Variants in NKTR observed in about 807,000 individuals in gnomAD.
NKTR encodes natural killer cell triggering receptor, also known as NK-tumor recognition protein.
In NKTR, 67 loss-of-function variants were observed where a neutral mutation model predicts 156.3. The observed-to-expected ratio is 0.43, with a 90% CI of 0.35 to 0.53. The LOEUF (loss-of-function observed/expected upper bound fraction) is 0.53, where lower values mean the gene tolerates loss of function less well. NKTR is among the 20% of genes least tolerant of loss of function. The pLI is 0.01. For synonymous variants in NKTR, 640 were observed against 596.6 expected (o/e 1.07, Z -1.06); for missense variants, 1,604 against 1,730.9 (o/e 0.93, Z 1.30).
chr3:42,604,638 G>A (rs2125757489), intron 2 of NKTR, among the ~76,000 whole-genome samples: 1 of 114,168 alleles, frequency 8.8e-6, no homozygotes, highest in Admixed American at 9.9e-5. Context: ...AACTGTAATT[G>A]TGGATTTATC....
chr3:42,629,497 A>G, intron 6 of NKTR: 1 of 977,054 alleles, frequency 1.0e-6, no homozygotes, highest in East Asian at 1.1e-4. Flanking sequence ...GGTTTTGTTC[A>G]CTTACATGTC....
intron 5 of NKTR, chr3:42,620,234 A>G (rs760952932): frequency 8.7e-6 from 11 of 1,268,836 alleles, no homozygotes; most frequent in Admixed American, 3.9e-5. Flanking sequence ...TTAATTTCAC[A>G]TCAGAGAAAA....
At chr3:42,645,854 C>T in intron 16 of NKTR, 34 bp from the exon 17 acceptor site, 1 of 1,463,410 alleles carries the variant, frequency 6.8e-7, no homozygotes, top group Non-Finnish European at 9.5e-7. Context: ...TTTACAGTTA[C>T]AAGATTTTTA....
intron 15 of NKTR, 23 bp downstream of exon 15, chr3:42,643,418 C>T: frequency 2.5e-6 from 4 of 1,594,068 alleles, no homozygotes; most frequent in Non-Finnish European, 3.4e-6. Flanking sequence ...ATTGGGAAAC[C>T]ACCAGTGGGG....
At position 42,637,141 on chromosome 3, in the gene NKTR, T is replaced by C; in HGVS notation, c.1437T>C (p.Cys479=). 5 of 1,611,636 alleles carry C rather than the reference T, an allele frequency of 3.1e-6. No homozygotes were observed. The highest frequency in any genetic ancestry group is 4.2e-6 in the Non-Finnish European group (5 of 1,179,316). Residue 479 remains cysteine (C), a synonymous_variant, in exon 13 of 17, where the codon TGT becomes TGC. Transcript: ENST00000232978. ...CCACTCGAAGAATGAAATCCTCTTG[T>C]GATAGAGAAAGGAGTTCTCGTTCTT... ...KSSTRRMKSS[C]DRERSSRSSS... is the part of the protein sequence containing the mutation.
rs1201056273 is a variant in NKTR, at chr3:42,648,210, G to GC, written c.*2236dup. On this transcript the variant is annotated 3_prime_UTR_variant, in exon 17 of 17. Coordinates refer to ENST00000232978, the MANE Select transcript of NKTR (RefSeq NM_005385.4). ...ACAGATATATTTTAAGGTTGATTGT[G>GC]CGATAGAACATAATTGCAGGAGTAC... 6.6e-6 allele frequency: 1 copy of GC among 152,212 alleles called. No individual in the cohort carries two copies. Among genetic ancestry groups the GC allele is most frequent in the Non-Finnish European group, 1.5e-5 (1 of 68,048 alleles). 9.4% of individuals were successfully genotyped at this position (152,212 alleles called of 1,614,324 possible).
intron 5 of NKTR, chr3:42,620,069 A>C: frequency 6.5e-7 from 1 of 1,534,066 alleles, no homozygotes; most frequent in Non-Finnish European, 8.7e-7. Context: ...TCAGTAACAC[A>C]AACTCCAATT....
intron 15 of NKTR, 63 bp from the exon 16 acceptor site, chr3:42,643,839 G>T: frequency 8.5e-7 from 1 of 1,172,158 alleles, no homozygotes; most frequent in Non-Finnish European, 1.3e-6. Flanking sequence ...ATCCTAAAAA[G>T]AAATAGGAAC....
At chr3:42,642,270 GA>G (rs1411826946) in intron 13 of NKTR, among the ~76,000 whole-genome samples, 2 of 151,942 alleles carry the variant, frequency 1.3e-5, no homozygotes, top group Non-Finnish European at 2.9e-5. Flanking sequence ...AGGCTTCTAT[GA>G]ACATACTTGT....
In NKTR at chr3:42,635,312, A is replaced by G; in HGVS notation, c.1109A>G (p.Gln370Arg). ...CCTCCTCACTGGAAAGAGGAAATGC[A>G]GAGATTAAGAGCATATAGACCACCT... ...ETPPHWKEEM[Q>R]RLRAYRPPSG... Residue 370 changes from glutamine to arginine, a missense_variant, in exon 12 of 17, where the codon CAG becomes CGG. Physicochemically the swap from Gln to Arg is conservative, Grantham distance 43 (BLOSUM62 1). Transcript: ENST00000232978. 1 of 1,613,656 alleles carries G rather than the reference A, an allele frequency of 6.2e-7. No homozygotes were observed. The highest frequency in any genetic ancestry group is 8.5e-7 in the Non-Finnish European group (1 of 1,179,646).
At chr3:42,619,474 G>A in intron 4 of NKTR, 190 bp from the exon 5 acceptor site, 1 of 1,400,730 alleles carries the variant, frequency 7.1e-7, no homozygotes, top group Non-Finnish European at 9.2e-7. Context: ...CTTTTTTGAT[G>A]GTATTTCTTG....
Position 42,629,538 on chromosome 3 carries a change from T to G in NKTR, c.375-1008T>G, listed in dbSNP as rs1708702074. 1.2e-5 allele frequency: 12 copies of G among 984,298 alleles called. No homozygotes were observed. The South Asian group carries it at 4.7e-4, about 39-fold the overall frequency. 61.0% of individuals were successfully genotyped at this position (984,298 alleles called of 1,614,324 possible). ...ATTGCCTTAAAATGAATACAGAAAT[T>G]TATATGGCAGCTTCTAGTACAGTTG... On this transcript the variant is annotated intron_variant, in intron 6 of 16. Transcript: ENST00000232978.
chr3:42,637,926 C>T lies in NKTR; in HGVS notation c.2222C>T (p.Ser741Leu), dbSNP rs1444198142. 1 of 1,613,810 alleles carries T rather than the reference C, an allele frequency of 6.2e-7. No individual in the cohort carries two copies. The highest frequency in any genetic ancestry group is 1.1e-5 in the South Asian group (1 of 91,052). Residue 741 changes from serine (S) to leucine (L), a missense_variant, in exon 13 of 17, where the codon TCA (serine) becomes TTA (leucine). Physicochemically the swap from Ser to Leu is moderately radical, Grantham distance 145. Transcript: ENST00000232978. ...AGTGATCATTCACAGTGTAGTAGAT[C>T]ATCTTCATATACTTCTATTAGCAGT... is the stretch of plus-strand genomic sequence containing the variant. Reference protein sequence around the residue: ...KYSDHSQCSRSSSYTSISSDD... With the variant: ...KYSDHSQCSRLSSYTSISSDD...
chr3:42,636,182 T>C (rs1407684603), intron 12 of NKTR, among the ~76,000 whole-genome samples: 2 of 152,202 alleles, frequency 1.3e-5, no homozygotes, highest in South Asian at 4.1e-4. Context: ...CATGGTAGTA[T>C]TCTCTTTTTC....
intron 5 of NKTR, 171 bp from the exon 6 acceptor site, chr3:42,621,258 T>G (rs1707874775): frequency 1.5e-6 from 2 of 1,309,270 alleles, no homozygotes; most frequent in African/African-American, 3.1e-5. Context: ...TTTGGCCTTT[T>G]TATGCTTTTG....
rs138745016 is a variant in NKTR, at chr3:42,634,538, A to G, written c.930-75A>G. The G allele has an allele frequency of 5.1e-5, 40 of 778,990 alleles. No individual in the cohort carries two copies. The African/African-American group carries it at 7.0e-4, about 14-fold the overall frequency. 48.3% of individuals were successfully genotyped at this position (778,990 alleles called of 1,614,324 possible). ...TGTATCTTTGAATTAATAGCTTAAC[A>G]TAATGTGTTTTCATTATTAAAAATT... On this transcript the variant is annotated intron_variant, in intron 10 of 16. Transcript: ENST00000232978.
rs1705328875 is a variant in NKTR at position 42,600,881 on chromosome 3, G to C, written c.-24+103G>C. Reference sequence around the variant, plus strand: ...TCCTGCGCTGTCGCGACGGGCCGGCGTGAGGCACCGTGGCGCGGACTTCGT... The same window carrying C: ...TCCTGCGCTGTCGCGACGGGCCGGCCTGAGGCACCGTGGCGCGGACTTCGT... On this transcript the variant is annotated intron_variant, in intron 1 of 16. Transcript: ENST00000232978. The C allele has an allele frequency of 1.6e-5, 11 of 674,304 alleles. No homozygotes were observed. The East Asian group carries it at 3.5e-4, about 21-fold the overall frequency. 41.8% of individuals were successfully genotyped at this position (674,304 alleles called of 1,614,324 possible). A position where few individuals can be genotyped will look rare whatever the true frequency, so the allele number is the denominator to read the frequency against.
Position 42,648,384 on chromosome 3 carries a change from C to T in NKTR, c.*2409C>T, listed in dbSNP as rs551856552. The T allele has an allele frequency of 3.3e-5, 5 of 152,324 alleles. No individual in the cohort carries two copies. Among genetic ancestry groups the T allele is most frequent in the African/African-American group, 1.2e-4 (5 of 41,586 alleles). The allele number at this position is 152,324 out of a possible 1,614,324, so 9.4% of individuals were successfully genotyped here. A position where few individuals can be genotyped will look rare whatever the true frequency, so the allele number is the denominator to read the frequency against. On this transcript the variant is annotated 3_prime_UTR_variant, in exon 17 of 17. Coordinates refer to ENST00000232978, the MANE Select transcript of NKTR (RefSeq NM_005385.4). ...CAGAAAAGATAGGCCCTAGAAGCCT[C>T]ATTTCTTTTCTCCATGGAAAAGGAC...
intron 16 of NKTR, 146 bp from the exon 17 acceptor site, chr3:42,645,742 T>G: frequency 1.9e-6 from 1 of 523,550 alleles, no homozygotes; most frequent in African/African-American, 1.9e-5. Context: ...CTCTGTGTTA[T>G]GCTGCATCAA....
Sources: allele counts gnomAD v4.1 joint callset (sites outside exome capture counted in the v4.1 genomes callset), GRCh38; gene constraint gnomAD v4.1.1; transcripts MANE v1.5; gene names NCBI Gene and HGNC (gene_info 2026-07-23, HGNC 2026-07-21).